Variants in MSRA observed in about 807,000 individuals in gnomAD.
MSRA encodes methionine sulfoxide reductase A.
Under a neutral mutation model 31.3 loss-of-function variants are expected in MSRA, and 54 were observed. The observed-to-expected ratio is 1.73, with a 90% CI of 1.39 to 2.17. The LOEUF is 2.17. MSRA is among the 30% of genes most tolerant of loss of function. The pLI, the probability that MSRA is intolerant of heterozygous loss-of-function variation, is 0.00. For missense variants in MSRA, 507 were observed against 300.9 expected, an observed-to-expected ratio of 1.69 and a Z score of -5.07; for synonymous variants, 169 against 116.5, an observed-to-expected ratio of 1.45 and a Z score of -2.90.
intron 5 of MSRA, among the ~76,000 whole-genome samples, chr8:10,329,023 C>G (rs1284850506): frequency 6.6e-6 from 1 of 152,196 alleles, no homozygotes; most frequent in Non-Finnish European, 1.5e-5. Context: ...ATCCTGCAAA[C>G]TCTCTTGACA....
chr8:10,250,748 G>C (rs1290565927), intron 3 of MSRA: 1 of 447,058 alleles, frequency 2.2e-6, no homozygotes, highest in Non-Finnish European at 4.0e-6. Flanking sequence ...TTACTGTCAG[G>C]TGCTTATGTG....
At chr8:10,060,156 C>A (rs1802629172) in intron 1 of MSRA, among the ~76,000 whole-genome samples, 2 of 152,206 alleles carry the variant, frequency 1.3e-5, no homozygotes, top group African/African-American at 4.8e-5. Context: ...ATGATGACTG[C>A]ACCAGGTTAT....
intron 1 of MSRA, among the ~76,000 whole-genome samples, chr8:10,055,156 G>T (rs1802270359): frequency 2.4e-5 from 1 of 41,808 alleles, no homozygotes; most frequent in South Asian, 1.3e-3. Context: ...TGCGTCTCAG[G>T]CCAGTGTTCT....
At chr8:10,301,437 G>A in intron 3 of MSRA, 97 bp from the exon 4 acceptor site, 3 of 876,570 alleles carry the variant, frequency 3.4e-6, no homozygotes, top group South Asian at 3.0e-5. Context: ...ACAGGGTAGA[G>A]TTTCAGCTTT....
At chr8:10,240,834 C>T (rs970519762) in intron 2 of MSRA, among the ~76,000 whole-genome samples, 1 of 152,100 alleles carries the variant, frequency 6.6e-6, no homozygotes, top group African/African-American at 2.4e-5. Flanking sequence ...CACCCCACCC[C>T]CCGCACCCCC....
chr8:10,241,598 G>A (rs1036062279), intron 2 of MSRA, among the ~76,000 whole-genome samples: 1 of 152,102 alleles, frequency 6.6e-6, no homozygotes, highest in African/African-American at 2.4e-5. Context: ...TTCATTATAA[G>A]GTATGAAAAT....
At chr8:10,270,407 GAAA>G (rs58968857) in intron 3 of MSRA, among the ~76,000 whole-genome samples, 1,638 of 145,584 alleles carry the variant, frequency 0.011, 15 homozygotes, top group African/African-American at 0.022. Flanking sequence ...GAAGCATACT[GAAA>G]AAAAAAAAAA....
At chr8:10,195,452 G>A (rs909113822) in intron 1 of MSRA, among the ~76,000 whole-genome samples, 6 of 152,142 alleles carry the variant, frequency 3.9e-5, no homozygotes, top group African/African-American at 1.4e-4. Context: ...TGTTGCCCAG[G>A]GTGGTCTTGA....
intron 1 of MSRA, among the ~76,000 whole-genome samples, chr8:10,180,135 G>T (rs1585106253): frequency 1.3e-5 from 2 of 152,204 alleles, no homozygotes; most frequent in Non-Finnish European, 2.9e-5. Context: ...GTTGTCACCT[G>T]CACTTCTCTC....
intron 3 of MSRA, among the ~76,000 whole-genome samples, chr8:10,301,160 A>T (rs1395407484): frequency 6.6e-6 from 1 of 152,094 alleles, no homozygotes; most frequent in Non-Finnish European, 1.5e-5. Flanking sequence ...TGATGATAAA[A>T]ATAAATTGGC....
intron 1 of MSRA, among the ~76,000 whole-genome samples, chr8:10,120,718 A>G (rs1369767433): frequency 6.6e-6 from 1 of 152,210 alleles, no homozygotes; most frequent in African/African-American, 2.4e-5. Context: ...AGCCTGGTGA[A>G]TCTAATGGAA....
Position 10,065,439 on chromosome 8 carries a change from G to A in MSRA, c.142+10781G>A, listed in dbSNP as rs570280966. 1.4e-4 allele frequency among the ~76,000 whole-genome samples: 21 copies of A among 152,326 alleles called. No homozygotes were observed. In the South Asian group the frequency reaches 4.4e-3, roughly 32 times the overall value. On this transcript the variant is annotated intron_variant, in intron 1 of 5. Transcript: ENST00000317173. ...ACAAGCTCTGTCGAATTATTTCAAT[G>A]TGCGGAATAAAAGGCAAGAATTATT...
intron 5 of MSRA, among the ~76,000 whole-genome samples, chr8:10,336,090 C>T (rs1291086744): frequency 6.6e-6 from 1 of 152,200 alleles, no homozygotes; most frequent in Non-Finnish European, 1.5e-5. Context: ...CCTTTCTTCT[C>T]ATTCCGTATC....
intron 3 of MSRA, among the ~76,000 whole-genome samples, chr8:10,245,664 G>T (rs1437525924): frequency 6.6e-6 from 1 of 152,200 alleles, no homozygotes; most frequent in Non-Finnish European, 1.5e-5. Flanking sequence ...AGCACTAACT[G>T]CCAGGTGGGG....
At chr8:10,412,372 C>A (rs1808210229) in intron 5 of MSRA, among the ~76,000 whole-genome samples, 1 of 152,124 alleles carries the variant, frequency 6.6e-6, no homozygotes, top group Admixed American at 6.5e-5. Flanking sequence ...CGAATAGGGA[C>A]ACAGTAAATG....
At chr8:10,203,922 G>A (rs1808722572) in intron 1 of MSRA, among the ~76,000 whole-genome samples, 1 of 152,094 alleles carries the variant, frequency 6.6e-6, no homozygotes, top group Non-Finnish European at 1.5e-5. Context: ...AGGCGAATGT[G>A]TGCATTTGTG....
At chr8:10,101,032 C>T (rs1345194742) in intron 1 of MSRA, among the ~76,000 whole-genome samples, 1 of 152,208 alleles carries the variant, frequency 6.6e-6, no homozygotes, top group Non-Finnish European at 1.5e-5. Flanking sequence ...TTCTCAAAGA[C>T]CCAGGAGTGT....
intron 5 of MSRA, among the ~76,000 whole-genome samples, chr8:10,335,449 G>T (rs1444403423): frequency 6.6e-6 from 1 of 152,044 alleles, no homozygotes; most frequent in African/African-American, 2.4e-5. Context: ...TGAATGTTTC[G>T]AAAATTATCT....
intron 5 of MSRA, among the ~76,000 whole-genome samples, chr8:10,411,860 C>T (rs1808177729): frequency 6.6e-6 from 1 of 151,910 alleles, no homozygotes; most frequent in African/African-American, 2.4e-5. Flanking sequence ...GCTAGGTAGT[C>T]ATATTCCAGT....
Sources: allele counts gnomAD v4.1 joint callset (sites outside exome capture counted in the v4.1 genomes callset), GRCh38; gene constraint gnomAD v4.1.1; transcripts MANE v1.5; gene names NCBI Gene and HGNC (gene_info 2026-07-23, HGNC 2026-07-21).